IBTK: variants seen among roughly 807,000 people sequenced by gnomAD.
IBTK encodes inhibitor of Bruton tyrosine kinase.
A neutral mutation model predicts 154.9 loss-of-function variants in IBTK; 83 were observed. The observed-to-expected ratio is 0.54, with a 90% CI of 0.45 to 0.64. IBTK has a LOEUF of 0.64. IBTK is among the 30% of genes least tolerant of loss of function. IBTK has a pLI of 0.00. For synonymous variants in IBTK, 515 were observed against 536.1 expected (o/e 0.96, Z 0.54); for missense variants, 1,332 against 1,584.6 (o/e 0.84, Z 2.71).
intron 1 of IBTK, among the ~76,000 whole-genome samples, 151 bp from the exon 2 acceptor site, chr6:82,240,994 A>G (rs1246068993): frequency 6.6e-6 from 1 of 152,152 alleles, no homozygotes. Context: ...TACGGGAGTT[A>G]TTTATATCCT....
intron 25 of IBTK, among the ~76,000 whole-genome samples, chr6:82,188,301 T>A (rs1254983182): frequency 6.6e-6 from 1 of 152,182 alleles, no homozygotes; most frequent in Non-Finnish European, 1.5e-5. Context: ...TGGCTATTTT[T>A]AGCTTTCTTT....
In IBTK at chr6:82,202,592, T is replaced by C; in HGVS notation, c.2665A>G (p.Lys889Glu). The C allele has an allele frequency of 6.2e-7, 1 of 1,611,466 alleles. No homozygotes were observed. The change falls in exon 18 of 29, where the codon AAA becomes GAA. Residue 889 changes from lysine (K) to glutamate (E), a missense_variant. Coordinates refer to ENST00000306270, the MANE Select transcript of IBTK (RefSeq NM_015525.4). ...LLEFAAMYSA[K>E]QLKLSCLQFI... ...TGTAAACAAGACAGTTTCAACTGTT[T>C]TGCACTATACATTGCTGCAAATTCC...
At chr6:82,204,298 GA>G (rs1176768244) in intron 17 of IBTK, among the ~76,000 whole-genome samples, 1 of 152,084 alleles carries the variant, frequency 6.6e-6, no homozygotes. Flanking sequence ...TTTGACAACT[GA>G]ATGAATTTGA....
intron 25 of IBTK, among the ~76,000 whole-genome samples, chr6:82,184,190 C>G (rs1768451961): frequency 6.6e-6 from 1 of 152,160 alleles, no homozygotes; most frequent in Non-Finnish European, 1.5e-5. Context: ...ATTTTATTTT[C>G]CTAACTCACA....
intron 1 of IBTK, 129 bp from the exon 2 acceptor site, chr6:82,240,972 GA>G (rs1770926383): frequency 2.5e-6 from 1 of 394,936 alleles, no homozygotes; most frequent in African/African-American, 2.1e-5. Flanking sequence ...TCCATTACTG[GA>G]ACACTAAGCT....
chr6:82,189,008 C>A (rs535878693), intron 25 of IBTK: 62 of 443,546 alleles, frequency 1.4e-4, no homozygotes, highest in African/African-American at 1.1e-3. Flanking sequence ...CAAACCTGAA[C>A]AACAGGGTGA....
chr6:82,214,226 C>T lies in IBTK; in HGVS notation c.2204+1G>A, dbSNP rs1769773064. On this transcript the variant is annotated splice_donor_variant, in intron 12 of 28. Coordinates refer to ENST00000306270, the MANE Select transcript of IBTK (RefSeq NM_015525.4). LOFTEE classifies it high-confidence loss of function. ...GAACAGATATAAAAGAGAAATCATA[C>T]CTACTACTCAAATTACTGAAGTCGA... is the stretch of plus-strand genomic sequence containing the variant. The T allele has an allele frequency of 7.5e-6, 12 of 1,604,522 alleles. No individual in the cohort carries two copies. Among genetic ancestry groups the T allele is most frequent in the Non-Finnish European group, 1.0e-5 (12 of 1,176,690 alleles).
chr6:82,228,919 C>A (rs779704331), intron 4 of IBTK, among the ~76,000 whole-genome samples: 2 of 152,078 alleles, frequency 1.3e-5, no homozygotes, highest in Non-Finnish European at 2.9e-5. Flanking sequence ...CTGCGCCCAG[C>A]CTAAAACCCC....
At chr6:82,244,897 C>T (rs16894023) in intron 1 of IBTK, among the ~76,000 whole-genome samples, 1,803 of 151,880 alleles carry the variant, frequency 0.012, 31 homozygotes, top group African/African-American at 0.039. Flanking sequence ...ATTTCTGCTA[C>T]GTTACACTGT....
At chr6:82,216,299 C>A in intron 10 of IBTK, 49 bp from the exon 11 acceptor site, 1 of 1,192,626 alleles carries the variant, frequency 8.4e-7, no homozygotes, top group Non-Finnish European at 1.2e-6. Context: ...ACTGAAACTA[C>A]TAAAATGATT....
Position 82,220,937 on chromosome 6 carries a change from TACACACACACAC to T in IBTK, c.1125-236_1125-225del, listed in dbSNP as rs57358110. On this transcript the variant is annotated intron_variant, in intron 8 of 28. Transcript: ENST00000306270. ...TCTTTTTCTCTTAAATGACTTTACC[TACACACACACAC>T]ACACACACACACACACACACACACA... Among the ~76,000 whole-genome samples the T allele has an allele frequency of 5.5e-4, 72 of 130,160 alleles. 1 individual carries two copies. Among genetic ancestry groups the T allele is most frequent in the East Asian group, 2.8e-3 (11 of 3,976 alleles). The allele number at this position is 130,160 out of a possible 152,430, so 85.4% of individuals were successfully genotyped here.
At chr6:82,175,025 T>C (rs755167502) in intron 26 of IBTK, 62 of 456,070 alleles carry the variant, frequency 1.4e-4, no homozygotes, top group Admixed American at 3.3e-4. Context: ...TGATAAAGCA[T>C]CACACACTGT....
intron 1 of IBTK, among the ~76,000 whole-genome samples, chr6:82,244,331 G>T (rs778201127): frequency 1.3e-5 from 2 of 152,158 alleles, no homozygotes; most frequent in Non-Finnish European, 2.9e-5. Context: ...AGTTACTAAT[G>T]ACTTCCAAAT....
rs371387197 is a variant in IBTK at position 82,214,840 on chromosome 6, G to C, written c.1602-11C>G. ...GGAATTTCATAAAGGCTAGAAAGAA[G>C]ACAAAAACAAATTATGCTTCAAAAA... On this transcript the variant is annotated splice_polypyrimidine_tract_variant and intron_variant, in intron 11 of 28. Coordinates refer to ENST00000306270, the MANE Select transcript of IBTK (RefSeq NM_015525.4). 22 of 1,522,424 alleles carry C rather than the reference G, an allele frequency of 1.4e-5. No homozygotes were observed. The highest frequency in any genetic ancestry group is 1.3e-4 in the Admixed American group (6 of 45,820). The allele number at this position is 1,522,424 out of a possible 1,614,324, so 94.3% of individuals were successfully genotyped here. A position where few individuals can be genotyped will look rare whatever the true frequency, so the allele number is the denominator to read the frequency against.
rs185728585 is a variant in IBTK at position 82,225,262 on chromosome 6, A to T, written c.825+215T>A. ...GGGGCAGAGGTTGCAGTCAGCTGAG[A>T]TCGCACCACTGCACTCCAGCCTGGG... is the stretch of plus-strand genomic sequence containing the variant. On this transcript the variant is annotated intron_variant, in intron 6 of 28. Coordinates refer to ENST00000306270, the MANE Select transcript of IBTK (RefSeq NM_015525.4). Among the ~76,000 whole-genome samples the T allele has an allele frequency of 5.4e-3, 823 of 152,202 alleles. 9 individuals carry two copies. The highest frequency in any genetic ancestry group is 0.019 in the African/African-American group (788 of 41,522).
At chr6:82,208,727 G>C (rs1215717602) in intron 16 of IBTK, among the ~76,000 whole-genome samples, 1 of 151,904 alleles carries the variant, frequency 6.6e-6, no homozygotes, top group Non-Finnish European at 1.5e-5. Context: ...TTGCCCAATG[G>C]AATAAGACCC....
intron 6 of IBTK, among the ~76,000 whole-genome samples, 167 bp downstream of exon 6, chr6:82,225,310 A>T (rs1187394634): frequency 1.3e-5 from 2 of 151,994 alleles, no homozygotes; most frequent in Admixed American, 1.3e-4. Context: ...ACTCTGTCTC[A>T]AAAAATAATA....
At chr6:82,193,755 C>T (rs1489280772) in intron 23 of IBTK, among the ~76,000 whole-genome samples, 3 of 152,062 alleles carry the variant, frequency 2.0e-5, no homozygotes, top group African/African-American at 7.2e-5. Flanking sequence ...GATCTGGGCT[C>T]ACTGTAACCT....
At chr6:82,173,154 A>C (rs958864103) in intron 27 of IBTK, 1 of 378,708 alleles carries the variant, frequency 2.6e-6, no homozygotes, top group Non-Finnish European at 4.7e-6. Flanking sequence ...GGCATGCGCC[A>C]CCATGCCCAG....
Sources: allele counts gnomAD v4.1 joint callset (sites outside exome capture counted in the v4.1 genomes callset), GRCh38; gene constraint gnomAD v4.1.1; transcripts MANE v1.5; gene names NCBI Gene and HGNC (gene_info 2026-07-23, HGNC 2026-07-21).